Variants in TDRD9 observed in about 807,000 individuals in gnomAD.
TDRD9 encodes tudor domain containing 9, also known as ATP-dependent RNA helicase TDRD9.
Under a neutral mutation model 172.6 loss-of-function variants are expected in TDRD9, and 124 were observed. The ratio of observed to expected loss-of-function variants is 0.72; its 90% CI spans 0.62 to 0.83. The LOEUF is 0.83. Among genes scored for constraint, TDRD9 ranks in the 40% least tolerant of loss-of-function variants. The pLI, the probability that TDRD9 is intolerant of heterozygous loss-of-function variation, is 0.00. For missense variants in TDRD9, 1,479 were observed against 1,714.1 expected (o/e 0.86, Z 2.42); for synonymous variants, 619 against 617.1 (o/e 1.00, Z -0.05).
Position 103,980,877 on chromosome 14 carries a change from C to T in TDRD9, c.1011+5324C>T, listed in dbSNP as rs898138153. ...AAGGCTCGCACTCTTGTCTTCTGGTCACTTCTCACTATGTCCCCTCAGCTC... is the reference window on the plus strand; with the variant it reads ...AAGGCTCGCACTCTTGTCTTCTGGTTACTTCTCACTATGTCCCCTCAGCTC... On this transcript the variant is annotated intron_variant, in intron 7 of 35. Transcript: ENST00000409874. This position sits in a 1 kb window ranked among gnomAD's most constrained non-coding sequence, Gnocchi z 4.5. 6.6e-6 allele frequency among the ~76,000 whole-genome samples: 1 copy of T among 152,154 alleles called. No homozygotes were observed. Among genetic ancestry groups the T allele is most frequent in the Admixed American group, 6.5e-5 (1 of 15,276 alleles).
chr14:103,991,337 T>C, intron 9 of TDRD9, 113 bp downstream of exon 9: 1 of 1,116,040 alleles, frequency 9.0e-7, no homozygotes, highest in Non-Finnish European at 1.3e-6. Context: ...TTATTCTTTT[T>C]ACACTTTGAG....
chr14:103,966,396 A>G (rs28542749), intron 4 of TDRD9, among the ~76,000 whole-genome samples: 7,298 of 152,336 alleles, frequency 0.048, 334 homozygotes, highest in Admixed American at 0.16. Context: ...GGAAAGCAGT[A>G]AGAATTCTCA....
chr14:103,979,231 A>T (rs1270256013), intron 7 of TDRD9, among the ~76,000 whole-genome samples: 1 of 152,192 alleles, frequency 6.6e-6, no homozygotes, highest in African/African-American at 2.4e-5. Context: ...CACAGTTTTT[A>T]TGGCTGAATA....
intron 5 of TDRD9, among the ~76,000 whole-genome samples, chr14:103,969,580 A>G (rs1196028153): frequency 1.3e-5 from 2 of 152,190 alleles, no homozygotes; most frequent in Non-Finnish European, 2.9e-5. Flanking sequence ...GGAAGTTCAG[A>G]AGATAGTAGG....
chr14:103,963,788 T>C (rs2032616133), intron 3 of TDRD9, among the ~76,000 whole-genome samples: 1 of 152,258 alleles, frequency 6.6e-6, no homozygotes, highest in Non-Finnish European at 1.5e-5. Context: ...ATTTAATTTT[T>C]ACTTTGCTTT....
At chr14:103,988,176 G>T (rs1272877668) in intron 8 of TDRD9, among the ~76,000 whole-genome samples, 1 of 134,312 alleles carries the variant, frequency 7.4e-6, no homozygotes, top group Non-Finnish European at 1.6e-5. Context: ...TTCTGAGTGG[G>T]ATATTTTTTT....
intron 20 of TDRD9, 39 bp from the exon 21 acceptor site, chr14:104,014,686 G>A (rs1198103545): frequency 1.7e-6 from 2 of 1,181,886 alleles, no homozygotes; most frequent in South Asian, 2.4e-5. Flanking sequence ...GATGACATAT[G>A]TACCTTTGAG....
intron 24 of TDRD9, 144 bp from the exon 25 acceptor site, chr14:104,024,425 T>A (rs1365799599): frequency 2.9e-5 from 15 of 523,748 alleles, no homozygotes; most frequent in Middle Eastern, 9.9e-4. Context: ...GAAATCAAAT[T>A]TGTCATCTCT....
At chr14:103,933,351 T>C (rs1264338574) in intron 1 of TDRD9, among the ~76,000 whole-genome samples, 4 of 152,198 alleles carry the variant, frequency 2.6e-5, no homozygotes, top group African/African-American at 7.2e-5. Flanking sequence ...CTTTCTGCCG[T>C]GTACTTTCCT....
intron 7 of TDRD9, among the ~76,000 whole-genome samples, chr14:103,978,263 A>G (rs542719159): frequency 2.0e-5 from 3 of 152,148 alleles, no homozygotes; most frequent in South Asian, 2.1e-4. Context: ...TTTGGGTAGT[A>G]TAGTCATTTT....
At position 104,014,792 on chromosome 14, in the gene TDRD9, G is replaced by A. The variant is rs1046701949; in HGVS notation, c.2174G>A (p.Arg725Gln). 14 of 1,611,988 alleles carry A rather than the reference G, an allele frequency of 8.7e-6. No individual in the cohort carries two copies. The highest frequency in any genetic ancestry group is 1.2e-5 in the Non-Finnish European group (14 of 1,179,132). ...SQFNMHVDSRRPVMDQEYIYK... is the reference protein window; with the variant it reads ...SQFNMHVDSRQPVMDQEYIYK... The stretch of plus-strand genomic sequence containing the variant: ...TTCAACATGCATGTTGATTCTCGGC[G>A]ACCTGTCATGGACCAAGAGTATATA... Residue 725 changes from arginine (R) to glutamine (Q), a missense_variant, in exon 21 of 36, where the codon CGA becomes CAA. Physicochemically the swap from Arg to Gln is conservative, Grantham distance 43. This residue lies in a region of TDRD9 where 1,413 missense variants were observed against 1,649.1 expected (regional missense o/e 0.86). Coordinates refer to ENST00000409874, the MANE Select transcript of TDRD9 (RefSeq NM_153046.3).
intron 35 of TDRD9, chr14:104,049,977 CT>C (rs1180351476): frequency 9.0e-5 from 28 of 310,632 alleles, no homozygotes; most frequent in Non-Finnish European, 1.5e-4. Flanking sequence ...TCTTGTTGGT[CT>C]TTGTGAAATG....
chr14:103,972,568 C>G (rs75782701), intron 6 of TDRD9, among the ~76,000 whole-genome samples: 3,522 of 152,290 alleles, frequency 0.023, 78 homozygotes, highest in East Asian at 0.07. Context: ...ACTCATAGGT[C>G]GACCTTAACC....
chr14:103,950,811 G>A (rs2031834699), intron 1 of TDRD9, among the ~76,000 whole-genome samples: 1 of 151,810 alleles, frequency 6.6e-6, no homozygotes, highest in Non-Finnish European at 1.5e-5. Flanking sequence ...ATGAAGAGAG[G>A]AGTCTCACAC....
intron 23 of TDRD9, among the ~76,000 whole-genome samples, chr14:104,021,482 A>G (rs1289485287): frequency 6.6e-6 from 1 of 152,124 alleles, no homozygotes; most frequent in Non-Finnish European, 1.5e-5. Flanking sequence ...ATCATGAGGT[A>G]AGGAGATTGA....
Position 103,997,757 on chromosome 14 carries a change from A to C in TDRD9, c.1379-867A>C, listed in dbSNP as rs1286395689. On this transcript the variant is annotated intron_variant, in intron 12 of 35. Transcript: ENST00000409874. This position sits in a 1 kb window ranked among gnomAD's most constrained non-coding sequence, Gnocchi z 5.1. The stretch of plus-strand genomic sequence containing the variant: ...AGAGGCCTAGACACCCAGTGGGAAA[A>C]GGGTCTTGAGGGGATGGAGTGGAGG... 6.6e-6 allele frequency among the ~76,000 whole-genome samples: 1 copy of C among 152,156 alleles called. No homozygotes were observed. The highest frequency in any genetic ancestry group is 1.9e-4 in the East Asian group (1 of 5,166).
chr14:103,966,816 TATC>T lies in TDRD9; in HGVS notation c.756_758del (p.Ile253del). The T allele has an allele frequency of 6.5e-7, 1 of 1,550,298 alleles. No homozygotes were observed. The highest frequency in any genetic ancestry group is 8.7e-7 in the Non-Finnish European group (1 of 1,146,400). ...CCAAGAGTTTGATGGAATTCACACA[TATC>T]ATCATTGATGAAGTAAGTGATGTCA... On this transcript the variant is annotated inframe_deletion, in exon 5 of 36. Coordinates refer to ENST00000409874, the MANE Select transcript of TDRD9 (RefSeq NM_153046.3).
At chr14:103,977,583 T>C (rs981475284) in intron 7 of TDRD9, among the ~76,000 whole-genome samples, 2 of 149,354 alleles carry the variant, frequency 1.3e-5, no homozygotes, top group Non-Finnish European at 3.0e-5. Context: ...CCTTGTCAGA[T>C]GAATAGTTTG....
rs767083697 is a variant in TDRD9 at position 103,965,430 on chromosome 14, A to C, written c.518A>C (p.Tyr173Ser). Reference protein sequence around the residue: ...TQLPQYILDHYVQRSAYCSIV... With the variant: ...TQLPQYILDHSVQRSAYCSIV... Reference sequence around the variant, plus strand: ...CTCCCGCAGTATATCTTGGACCACTACGTTCAGCGCTCCGCCTACTGCAGC... The same window carrying C: ...CTCCCGCAGTATATCTTGGACCACTCCGTTCAGCGCTCCGCCTACTGCAGC... Residue 173 changes from tyrosine (Y) to serine (S), a missense_variant, in exon 4 of 36, where the codon TAC (tyrosine) becomes TCC (serine). Physicochemically the swap from Tyr to Ser is moderately radical, Grantham distance 144. Transcript: ENST00000409874. 2.6e-6 allele frequency: 4 copies of C among 1,551,502 alleles called. No homozygotes were observed. Among genetic ancestry groups the C allele is most frequent in the Admixed American group, 3.9e-5 (2 of 50,962 alleles).
Sources: allele counts gnomAD v4.1 joint callset (sites outside exome capture counted in the v4.1 genomes callset), GRCh38; gene constraint gnomAD v4.1.1; regional missense constraint gnomAD v4.1.1; non-coding constraint Gnocchi (gnomAD v3.1); transcripts MANE v1.5; gene names NCBI Gene and HGNC (gene_info 2026-07-23, HGNC 2026-07-21).